The following FRMPD4 variants were observed in gnomAD, a reference collection of about 807,000 sequenced individuals.
The protein encoded by FRMPD4 is FERM and PDZ domain containing 4.
Under a neutral mutation model 94.1 loss-of-function variants are expected in FRMPD4, and 22 were observed. The observed-to-expected ratio is 0.23, with a 90% CI of 0.17 to 0.33. The LOEUF is 0.33. FRMPD4 is among the 10% of genes least tolerant of loss of function. The pLI is 1.00. For missense variants in FRMPD4, 1,111 were observed against 1,339.9 expected (o/e 0.83, Z 2.67); for synonymous variants, 631 against 548.6 (o/e 1.15, Z -2.10).
At chrX:12,276,394 T>C (rs2054436692) in intron 1 of FRMPD4, among the ~76,000 whole-genome samples, 1 of 112,185 alleles carries the variant, frequency 8.9e-6, no homozygotes, top group Admixed American at 9.4e-5. Flanking sequence ...ACATGTAAGA[T>C]GTACATTGGT....
chrX:12,137,945 G>T (rs936283465), upstream of FRMPD4, among the ~76,000 whole-genome samples: 25 of 111,790 alleles, frequency 2.2e-4, no homozygotes, highest in Admixed American at 2.8e-4. Context: ...ATTAGCCTCC[G>T]CATCACGGGC....
intron 1 of FRMPD4, among the ~76,000 whole-genome samples, chrX:12,489,993 A>G (rs1412817762): frequency 9.0e-6 from 1 of 111,302 alleles, no homozygotes; most frequent in Non-Finnish European, 1.9e-5. Context: ...AGTCCTACAA[A>G]AGGACTGATA....
intron 1 of FRMPD4, among the ~76,000 whole-genome samples, chrX:12,352,563 T>C: frequency 1.8e-5 from 2 of 112,732 alleles, no homozygotes; most frequent in Middle Eastern, 9.3e-3. Context: ...AATGATTCAC[T>C]TTTAGTTAAT....
intron 3 of FRMPD4, among the ~76,000 whole-genome samples, chrX:11,885,882 T>G (rs1307112143): frequency 8.9e-6 from 1 of 111,913 alleles, no homozygotes; most frequent in African/African-American, 3.2e-5. Context: ...ACCCCATAGG[T>G]GGTTTCTATT....
intron 2 of FRMPD4, among the ~76,000 whole-genome samples, chrX:12,504,031 A>C (rs1420379634): frequency 8.9e-6 from 1 of 112,002 alleles, no homozygotes; most frequent in Non-Finnish European, 1.9e-5. Context: ...TTATATTTGG[A>C]GCAGACACCA....
rs756198368 is a variant in FRMPD4, at chrX:12,227,911, A to ATG, written c.41+88913_41+88914dup. On this transcript the variant is annotated intron_variant, in intron 1 of 16. Coordinates refer to ENST00000675598, the MANE Select transcript of FRMPD4 (RefSeq NM_001368397.1). ...ATTTCTGTGGAGTGTAGGGGTGTGT[A>ATG]TGTGTGTGTGTGTGTACATGGAAAT... 6.0e-3 allele frequency among the ~76,000 whole-genome samples: 618 copies of ATG among 102,681 alleles called. 1 individual carries two copies. Among genetic ancestry groups the ATG allele is most frequent in the Non-Finnish European group, 8.8e-3 (437 of 49,566 alleles). 89.2% of individuals were successfully genotyped at this position (102,681 alleles called of 115,157 possible). A position where few individuals can be genotyped will look rare whatever the true frequency, so the allele number is the denominator to read the frequency against.
chrX:12,407,600 A>G (rs887680389), intron 1 of FRMPD4, among the ~76,000 whole-genome samples: 1 of 112,448 alleles, frequency 8.9e-6, no homozygotes, highest in African/African-American at 3.2e-5. Flanking sequence ...TACACTAGCT[A>G]TTGATGTTGT....
chrX:12,227,986 A>T (rs1280258090), intron 1 of FRMPD4, among the ~76,000 whole-genome samples: 1 of 111,643 alleles, frequency 9.0e-6, no homozygotes, highest in Non-Finnish European at 1.9e-5. Context: ...ACCCCAACAA[A>T]ATTGATTCAT....
intron 9 of FRMPD4, among the ~76,000 whole-genome samples, chrX:12,698,854 G>A (rs2060160210): frequency 9.0e-6 from 1 of 111,054 alleles, no homozygotes; most frequent in Non-Finnish European, 1.9e-5. Flanking sequence ...AGGTATCATG[G>A]CAACCTTGCG....
intron 3 of FRMPD4, among the ~76,000 whole-genome samples, chrX:11,928,820 T>C (rs188558671): frequency 1.8e-5 from 2 of 112,504 alleles, no homozygotes; most frequent in Admixed American, 1.9e-4. Flanking sequence ...TGCATGTTCA[T>C]TGCAGCACTA....
intron 4 of FRMPD4, among the ~76,000 whole-genome samples, chrX:12,659,655 C>T (rs949360685): frequency 1.8e-5 from 2 of 112,376 alleles, no homozygotes; most frequent in African/African-American, 6.5e-5. Flanking sequence ...AATGCCTGGC[C>T]CCAGGTAGAT....
At chrX:11,859,209 C>T (rs2053671279) in intron 1 of FRMPD4, among the ~76,000 whole-genome samples, 1 of 111,615 alleles carries the variant, frequency 9.0e-6, no homozygotes, top group Non-Finnish European at 1.9e-5. Context: ...AAGAACTACA[C>T]TTGCAGAGAA....
chrX:12,053,359 GAAGAAAGAAAGA>G (rs57459327), intron 3 of FRMPD4, among the ~76,000 whole-genome samples: 4,173 of 51,355 alleles, frequency 0.081, 191 homozygotes, highest in African/African-American at 0.087. Context: ...AGGAAAGAAA[GAAGAAAGAAAGA>G]AAGAAAGAAA....
chrX:11,909,084 T>C (rs1475377438), intron 3 of FRMPD4, among the ~76,000 whole-genome samples: 1 of 111,879 alleles, frequency 8.9e-6, no homozygotes, highest in African/African-American at 3.2e-5. Flanking sequence ...GAACTAAACA[T>C]ATTCCCCCCA....
rs769437864 is a variant in FRMPD4 at position 11,949,345 on chromosome X, C to A, written c.95+71327C>A. 5.3e-5 allele frequency among the ~76,000 whole-genome samples: 6 copies of A among 112,156 alleles called. No individual in the cohort carries two copies. The South Asian group carries it at 2.2e-3, about 42-fold the overall frequency. ...TTTTCTTACTCACCTTTCCTCCCCA[C>A]TGGGGCTTCAAGGATTCCTATTTTG... On this transcript the variant is annotated intron_variant, in intron 3 of 18. Transcript: ENST00000640291.
chrX:12,098,272 G>GA (rs5901461), intron 3 of FRMPD4, among the ~76,000 whole-genome samples: 38 of 102,811 alleles, frequency 3.7e-4, no homozygotes, highest in East Asian at 1.9e-3. Flanking sequence ...GAAAGAAAAA[G>GA]AAAAAAAAAA....
rs1260577616 is a variant in FRMPD4 at position 12,112,555 on chromosome X, TTAAAA to T, written c.95+234540_95+234544del. ...ACGTTGTACACATGTACCCTAGAAC[TTAAAA>T]TATAATAATAATTTCAAAAAGGATA... is the stretch of plus-strand genomic sequence containing the variant. On this transcript the variant is annotated intron_variant, in intron 3 of 18. Coordinates refer to the FRMPD4 transcript ENST00000640291. Among the ~76,000 whole-genome samples the T allele has an allele frequency of 1.1e-4, 12 of 110,977 alleles. No homozygotes were observed. The Admixed American group carries it at 1.2e-3, about 11-fold the overall frequency.
intron 1 of FRMPD4, among the ~76,000 whole-genome samples, chrX:12,304,559 T>C (rs909221916): frequency 1.8e-5 from 2 of 111,203 alleles, no homozygotes; most frequent in Non-Finnish European, 3.8e-5. Flanking sequence ...CACACCCTCC[T>C]TTTGGTCCCA....
intron 1 of FRMPD4, among the ~76,000 whole-genome samples, chrX:12,391,939 G>A (rs2148038985): frequency 8.9e-6 from 1 of 111,915 alleles, no homozygotes; most frequent in East Asian, 2.8e-4. Context: ...AAAACATTGT[G>A]CTGTGATGGA....
Sources: gnomAD v4.1 joint callset for allele counts (sites outside exome capture counted in the v4.1 genomes callset) on GRCh38, gnomAD v4.1.1 for gene constraint, MANE v1.5 for transcripts, NCBI Gene and HGNC (gene_info 2026-07-23, HGNC 2026-07-21) for gene names.